Variants in ROBO2 observed in about 807,000 individuals in gnomAD.
The protein encoded by ROBO2 is roundabout guidance receptor 2, also known as roundabout homolog 2.
ROBO2 carries 53 observed loss-of-function variants against 160.8 expected under a neutral mutation model. The observed-to-expected ratio is 0.33, with a 90% CI of 0.26 to 0.41. The LOEUF (loss-of-function observed/expected upper bound fraction) is 0.41. Among genes scored for constraint, ROBO2 ranks in the 10% least tolerant of loss-of-function variants. The pLI, the probability that ROBO2 is intolerant of heterozygous loss-of-function variation, is 1.00. For missense variants in ROBO2, 1,577 were observed against 1,722.4 expected (o/e 0.92, Z 1.49); for synonymous variants, 664 against 611.7 (o/e 1.09, Z -1.26).
At chr3:76,510,136 T>C (rs138488172) in intron 2 of ROBO2, among the ~76,000 whole-genome samples, 2 of 152,304 alleles carry the variant, frequency 1.3e-5, no homozygotes, top group African/African-American at 4.8e-5. Context: ...AAGACGTGCA[T>C]GCATTACTCA....
intron 2 of ROBO2, among the ~76,000 whole-genome samples, chr3:76,215,363 G>C (rs777876298): frequency 2.6e-5 from 4 of 152,088 alleles, no homozygotes. Context: ...AAACTACTCC[G>C]ATCTAAAGGA....
chr3:76,874,142 CA>C (rs1356153459), intron 2 of ROBO2, among the ~76,000 whole-genome samples: 1 of 151,980 alleles, frequency 6.6e-6, no homozygotes, highest in Non-Finnish European at 1.5e-5. Flanking sequence ...ATTTAAGTGC[CA>C]TTAGGTTAAA....
chr3:77,342,912 T>C (rs1444995628), intron 2 of ROBO2, among the ~76,000 whole-genome samples: 2 of 152,208 alleles, frequency 1.3e-5, no homozygotes, highest in Non-Finnish European at 2.9e-5. Context: ...GCGTAAGCCA[T>C]GGAAATCTAT....
At chr3:76,773,072 T>C (rs369429984) in intron 2 of ROBO2, among the ~76,000 whole-genome samples, 2 of 151,058 alleles carry the variant, frequency 1.3e-5, no homozygotes, top group East Asian at 3.9e-4. Context: ...ATGTAAGAAG[T>C]CACACATGTA....
chr3:76,106,579 C>G (rs2069943740), intron 2 of ROBO2, among the ~76,000 whole-genome samples: 1 of 151,920 alleles, frequency 6.6e-6, no homozygotes, highest in Admixed American at 6.6e-5. Flanking sequence ...CTTCAGAGAC[C>G]AGATAAATTT....
Position 76,333,357 on chromosome 3 carries a change from TAA to T in ROBO2, c.109+395757_109+395758del, listed in dbSNP as rs2073635751. On this transcript the variant is annotated intron_variant, in intron 2 of 26. Coordinates refer to the ROBO2 transcript ENST00000487694. ...TTCCCTTCTGCAAGTGTACGCAGCG[TAA>T]AGTCATGATTCTCACTGAATAGATG... Among the ~76,000 whole-genome samples the T allele has an allele frequency of 3.3e-5, 5 of 152,316 alleles. No homozygotes were observed. In the South Asian group the frequency reaches 1.0e-3, roughly 32 times the overall value.
chr3:77,296,593 G>T (rs766522125), intron 2 of ROBO2, among the ~76,000 whole-genome samples: 19 of 152,090 alleles, frequency 1.2e-4, no homozygotes, highest in Non-Finnish European at 1.5e-4. Flanking sequence ...ATTGTTCAGT[G>T]TATTCCCTGG....
chr3:77,165,486 T>C (rs2078990248), intron 2 of ROBO2, among the ~76,000 whole-genome samples: 1 of 149,428 alleles, frequency 6.7e-6, no homozygotes, highest in East Asian at 2.0e-4. Context: ...GTTTATCTGC[T>C]GACCTTCCCT....
At chr3:76,895,615 G>C (rs1187068243) in intron 2 of ROBO2, among the ~76,000 whole-genome samples, 1 of 152,026 alleles carries the variant, frequency 6.6e-6, no homozygotes, top group Non-Finnish European at 1.5e-5. Flanking sequence ...CTTCAGAAAA[G>C]GAAATCTCAC....
chr3:77,137,113 A>G (rs1432205704), intron 2 of ROBO2, among the ~76,000 whole-genome samples: 1 of 151,750 alleles, frequency 6.6e-6, no homozygotes, highest in South Asian at 2.1e-4. Context: ...TGAACTGGAG[A>G]GTTTCACTTT....
intron 2 of ROBO2, among the ~76,000 whole-genome samples, chr3:77,112,533 C>T (rs2073761641): frequency 6.6e-6 from 1 of 151,836 alleles, no homozygotes; most frequent in African/African-American, 2.4e-5. Flanking sequence ...CGTGAGCCAC[C>T]GCGCCCTGCC....
chr3:76,625,736 A>C (rs1341754228), intron 2 of ROBO2, among the ~76,000 whole-genome samples: 2 of 152,204 alleles, frequency 1.3e-5, no homozygotes, highest in South Asian at 2.1e-4. Context: ...AATAAAAGGC[A>C]TATTAGCAGG....
At chr3:76,642,847 G>A (rs957725375) in intron 2 of ROBO2, among the ~76,000 whole-genome samples, 2 of 152,038 alleles carry the variant, frequency 1.3e-5, no homozygotes, top group African/African-American at 4.8e-5. Context: ...ATAACTGAAA[G>A]TATTTGCATT....
chr3:76,474,139 C>A (rs1012850488), intron 2 of ROBO2, among the ~76,000 whole-genome samples: 1 of 151,978 alleles, frequency 6.6e-6, no homozygotes, highest in Non-Finnish European at 1.5e-5. Flanking sequence ...TATACCAGGT[C>A]GATTACATGT....
chr3:76,249,011 G>C (rs780088992), intron 2 of ROBO2, among the ~76,000 whole-genome samples: 5 of 151,996 alleles, frequency 3.3e-5, no homozygotes, highest in Admixed American at 6.6e-5. Flanking sequence ...CGTGTTTTTT[G>C]GGAGACTAAA....
At chr3:75,927,177 A>T (rs1947325669) in intron 1 of ROBO2, among the ~76,000 whole-genome samples, 1 of 152,178 alleles carries the variant, frequency 6.6e-6, no homozygotes, top group Admixed American at 6.5e-5. Context: ...GGTGAAACAA[A>T]CTTCTTGGAT....
intron 2 of ROBO2, among the ~76,000 whole-genome samples, chr3:77,403,619 T>TGTGTGTGTG (rs1491148217): frequency 7.4e-5 from 2 of 27,190 alleles, no homozygotes; most frequent in African/African-American, 3.2e-4. Context: ...TGTGTGTGTA[T>TGTGTGTGTG]TTTTTTTTTT....
intron 2 of ROBO2, among the ~76,000 whole-genome samples, chr3:76,329,603 C>T (rs927910167): frequency 6.6e-6 from 1 of 152,226 alleles, no homozygotes; most frequent in Non-Finnish European, 1.5e-5. Flanking sequence ...TTCACCTGTC[C>T]ACTTGACTGT....
intron 2 of ROBO2, among the ~76,000 whole-genome samples, chr3:76,472,104 C>T (rs55811969): frequency 0.045 from 6,252 of 138,150 alleles, 422 homozygotes; most frequent in African/African-American, 0.15. Context: ...TGTGTGTGCG[C>T]GTGTGCGTGC....
Sources: gnomAD v4.1 joint callset for allele counts (sites outside exome capture counted in the v4.1 genomes callset) on GRCh38, gnomAD v4.1.1 for gene constraint, MANE v1.5 for transcripts, NCBI Gene and HGNC (gene_info 2026-07-23, HGNC 2026-07-21) for gene names.